Variants in FERMT2 observed in about 807,000 individuals in gnomAD.
FERMT2 encodes the protein fermitin family homolog 2.
In FERMT2, 15 loss-of-function variants were observed where a neutral mutation model predicts 82.7. The observed-to-expected ratio is 0.18, with a 90% CI of 0.12 to 0.28. The LOEUF (loss-of-function observed/expected upper bound fraction) is 0.28, where lower values mean the gene tolerates loss of function less well. Ranked by LOEUF, FERMT2 falls within the 10% of genes least tolerant of loss-of-function variation. FERMT2 has a pLI of 1.00. For missense variants in FERMT2, 645 were observed against 809.4 expected (o/e 0.80, Z 2.46); for synonymous variants, 274 against 271.5 (o/e 1.01, Z -0.09).
intron 4 of FERMT2, among the ~76,000 whole-genome samples, chr14:52,891,237 C>A (rs1214175660): frequency 1.3e-5 from 2 of 152,036 alleles, no homozygotes; most frequent in African/African-American, 4.8e-5. Context: ...GCTTGGACTG[C>A]CTTTTCCCAT....
intron 4 of FERMT2, among the ~76,000 whole-genome samples, chr14:52,890,883 C>T (rs1047119809): frequency 3.9e-5 from 6 of 152,100 alleles, no homozygotes; most frequent in African/African-American, 1.2e-4. Context: ...GGATTATAGG[C>T]GTAAGCCACC....
chr14:52,948,507 G>A (rs1422624245), intron 2 of FERMT2: 4 of 446,454 alleles, frequency 9.0e-6, no homozygotes, highest in Non-Finnish European at 1.8e-5. Flanking sequence ...AGAGGAATCA[G>A]TATGAATTCA....
intron 4 of FERMT2, among the ~76,000 whole-genome samples, chr14:52,885,932 C>A (rs1886575660): frequency 6.9e-6 from 1 of 145,326 alleles, no homozygotes; most frequent in Admixed American, 6.8e-5. Flanking sequence ...TATAAGACCA[C>A]ATAAAAATGT....
intron 2 of FERMT2, among the ~76,000 whole-genome samples, chr14:52,931,901 C>G (rs941411398): frequency 6.6e-6 from 1 of 152,080 alleles, no homozygotes; most frequent in Non-Finnish European, 1.5e-5. Flanking sequence ...TGGTAGCACA[C>G]GCCTGTAGTC....
intron 3 of FERMT2, among the ~76,000 whole-genome samples, chr14:52,917,656 G>A (rs758208979): frequency 3.9e-5 from 6 of 152,148 alleles, no homozygotes; most frequent in Non-Finnish European, 7.4e-5. Flanking sequence ...AATTGTAGGC[G>A]GGGAGGGAAG....
At chr14:52,928,357 G>T (rs552057450) in intron 2 of FERMT2, 1 of 159,284 alleles carries the variant, frequency 6.3e-6, no homozygotes. Flanking sequence ...TTTGTTTTAG[G>T]ATCCTCTTGA....
intron 3 of FERMT2, among the ~76,000 whole-genome samples, chr14:52,908,133 G>C (rs1308534808): frequency 6.6e-6 from 1 of 152,130 alleles, no homozygotes; most frequent in Non-Finnish European, 1.5e-5. Flanking sequence ...GCGAATTAAA[G>C]CCACAAGGAG....
At chr14:52,902,927 C>CAA (rs761269935) in intron 3 of FERMT2, among the ~76,000 whole-genome samples, 10 of 63,868 alleles carry the variant, frequency 1.6e-4, no homozygotes, top group Non-Finnish European at 1.9e-4. Flanking sequence ...TGATAGCCAC[C>CAA]AAAAAAAAAA....
intron 3 of FERMT2, among the ~76,000 whole-genome samples, chr14:52,906,222 T>A (rs1888004281): frequency 1.3e-5 from 2 of 152,062 alleles, no homozygotes; most frequent in African/African-American, 4.8e-5. Flanking sequence ...CAGAGAGTGC[T>A]CTGGAGGTCT....
At chr14:52,943,044 C>A (rs767235954) in intron 2 of FERMT2, among the ~76,000 whole-genome samples, 29 of 151,778 alleles carry the variant, frequency 1.9e-4, no homozygotes, top group Non-Finnish European at 3.8e-4. Flanking sequence ...GAAATCCCAT[C>A]TCTATTAAAA....
At chr14:52,877,602 A>G (rs1317258793) in intron 7 of FERMT2, among the ~76,000 whole-genome samples, 1 of 5,318 alleles carries the variant, frequency 1.9e-4, no homozygotes, top group South Asian at 7.6e-3. Flanking sequence ...TTTTTTTGCT[A>G]ACCTCACTCC....
chr14:52,925,367 G>A (rs761954328), intron 2 of FERMT2, among the ~76,000 whole-genome samples: 4 of 152,006 alleles, frequency 2.6e-5, no homozygotes, highest in Non-Finnish European at 4.4e-5. Context: ...AGACCAGCCT[G>A]GCCAATATGG....
At chr14:52,893,826 AGTTTT>A (rs1887097218) in intron 3 of FERMT2, among the ~76,000 whole-genome samples, 1 of 109,976 alleles carries the variant, frequency 9.1e-6, no homozygotes, top group African/African-American at 2.9e-5. Context: ...ACCAAATCCC[AGTTTT>A]GTTTTTTTTT....
chr14:52,950,399 G>T lies in FERMT2; in HGVS notation c.157+13C>A, dbSNP rs1205528356. On this transcript the variant is annotated intron_variant, in intron 2 of 14. Coordinates refer to ENST00000341590, the MANE Select transcript of FERMT2 (RefSeq NM_006832.3). ...GGAAGTCATTAGTTGGACGCGGCTG[G>T]GATGCTACTCACCGAGTTTCTCCAC... 3.7e-6 allele frequency: 6 copies of T among 1,610,288 alleles called. No individual in the cohort carries two copies. Among genetic ancestry groups the T allele is most frequent in the Admixed American group, 1.7e-5 (1 of 59,622 alleles).
At chr14:52,886,221 G>A (rs1465156759) in intron 4 of FERMT2, among the ~76,000 whole-genome samples, 5 of 151,972 alleles carry the variant, frequency 3.3e-5, no homozygotes, top group Non-Finnish European at 7.4e-5. Flanking sequence ...GTAGGAAATG[G>A]GGCATTTTCA....
At chr14:52,925,609 T>C (rs1414426639) in intron 2 of FERMT2, among the ~76,000 whole-genome samples, 3 of 146,578 alleles carry the variant, frequency 2.0e-5, no homozygotes, top group African/African-American at 7.6e-5. Flanking sequence ...TGTATATAGG[T>C]GTGTGTGTGA....
chr14:52,864,579 G>C lies in FERMT2; in HGVS notation c.1424C>G (p.Ser475Cys), dbSNP rs1263870068. ...AHWMAACRLASKGKTMADSSY... is the reference protein window; with the variant it reads ...AHWMAACRLACKGKTMADSSY... ...ACTGTCCGCCATGGTCTTGCCTTTG[G>C]AGGCTAATCTGCAGGCTGCCATCCA... The change falls in exon 12 of 15, where the codon TCC becomes TGC. Residue 475 changes from serine (S) to cysteine (C), a missense_variant. Transcript: ENST00000341590. 1 of 1,614,168 alleles carries C rather than the reference G, an allele frequency of 6.2e-7. No individual in the cohort carries two copies. The highest frequency in any genetic ancestry group is 1.1e-5 in the South Asian group (1 of 91,086).
At chr14:52,904,317 G>C (rs1031120856) in intron 3 of FERMT2, among the ~76,000 whole-genome samples, 6 of 152,234 alleles carry the variant, frequency 3.9e-5, no homozygotes, top group African/African-American at 1.2e-4. Flanking sequence ...AGGAGTTGGA[G>C]ACCAGCCTGG....
chr14:52,871,488 C>G (rs1367661567), intron 10 of FERMT2: 1 of 152,158 alleles, frequency 6.6e-6, no homozygotes, highest in Non-Finnish European at 1.5e-5. Flanking sequence ...AAGTGAGAGG[C>G]TCATTAACGC....
Sources: allele counts gnomAD v4.1 joint callset (sites outside exome capture counted in the v4.1 genomes callset), GRCh38; gene constraint gnomAD v4.1.1; transcripts MANE v1.5; gene names NCBI Gene and HGNC (gene_info 2026-07-23, HGNC 2026-07-21).